Variants in SH3KBP1 observed in about 807,000 individuals in gnomAD.
The protein encoded by SH3KBP1 is SH3 domain containing kinase binding protein 1, also known as SH3 domain-containing kinase-binding protein 1.
In SH3KBP1, 8 loss-of-function variants were observed where a neutral mutation model predicts 50.1. The ratio of observed to expected loss-of-function variants is 0.16; its 90% CI spans 0.09 to 0.29. The LOEUF is 0.29. SH3KBP1 is among the 10% of genes least tolerant of loss of function. SH3KBP1 has a pLI of 1.00. For missense variants in SH3KBP1, 377 were observed against 535.2 expected (o/e 0.70, Z 2.92); for synonymous variants, 227 against 218.6 (o/e 1.04, Z -0.34).
intron 2 of SH3KBP1, among the ~76,000 whole-genome samples, chrX:19,783,608 A>C (rs775013582): frequency 4.5e-5 from 5 of 111,208 alleles, no homozygotes; most frequent in Non-Finnish European, 9.4e-5. Context: ...CTGAGCTCAG[A>C]CTTTTTAGCT....
intron 2 of SH3KBP1, among the ~76,000 whole-genome samples, chrX:19,805,523 A>G (rs1425160164): frequency 2.0e-5 from 2 of 97,670 alleles, no homozygotes; most frequent in African/African-American, 3.9e-5. Context: ...ATGGCTGCAT[A>G]TTAAAAAAAA....
At chrX:19,885,392 A>G (rs2069559830) in intron 1 of SH3KBP1, among the ~76,000 whole-genome samples, 1 of 112,049 alleles carries the variant, frequency 8.9e-6, no homozygotes, top group African/African-American at 3.2e-5. Flanking sequence ...ATTCGTTTTG[A>G]CATTATCACC....
At chrX:19,830,250 C>A (rs1168596613) in intron 2 of SH3KBP1, among the ~76,000 whole-genome samples, 1 of 109,563 alleles carries the variant, frequency 9.1e-6, no homozygotes, top group African/African-American at 3.3e-5. Context: ...ACATTTCCCC[C>A]TTCCTTTTTA....
At chrX:19,715,961 C>T (rs1308441156) in intron 3 of SH3KBP1, among the ~76,000 whole-genome samples, 1 of 111,783 alleles carries the variant, frequency 8.9e-6, no homozygotes, top group Non-Finnish European at 1.9e-5. Context: ...TCCCCAGTTA[C>T]TGAGCAGCAT....
At chrX:19,812,665 CAAAAAAA>C (rs57012379) in intron 2 of SH3KBP1, among the ~76,000 whole-genome samples, 10 of 35,287 alleles carry the variant, frequency 2.8e-4, no homozygotes, top group Admixed American at 2.3e-3. Flanking sequence ...CCCGTCTCTA[CAAAAAAA>C]AAAAAAAAAA....
intron 8 of SH3KBP1, among the ~76,000 whole-genome samples, chrX:19,616,124 G>A (rs1423092655): frequency 2.7e-5 from 3 of 110,943 alleles, no homozygotes; most frequent in South Asian, 7.7e-4. Context: ...ATCATGCATG[G>A]CTAATTTTTT....
intron 3 of SH3KBP1, among the ~76,000 whole-genome samples, chrX:19,716,139 T>C (rs748182430): frequency 1.2e-3 from 131 of 112,090 alleles, no homozygotes; most frequent in African/African-American, 4.1e-3. Context: ...GAAGAGAAGG[T>C]AGATTTACCG....
chrX:19,586,971 C>T (rs995149164), intron 12 of SH3KBP1, among the ~76,000 whole-genome samples: 6 of 111,471 alleles, frequency 5.4e-5, no homozygotes, highest in African/African-American at 2.0e-4. Context: ...CCTGTAATCC[C>T]AGCACTTTGG....
At chrX:19,811,477 T>C (rs1209667051) in intron 2 of SH3KBP1, among the ~76,000 whole-genome samples, 1 of 111,910 alleles carries the variant, frequency 8.9e-6, no homozygotes, top group East Asian at 2.8e-4. Flanking sequence ...ACCGAAGCCT[T>C]CGGCAGCAGG....
chrX:19,608,052 A>T lies in SH3KBP1; in HGVS notation c.898-7T>A. ...AGCCTACGTCGATGCAGTCCTAGAA[A>T]ACAGGAGAACAGAGAGTGAGAGATG... On this transcript the variant is annotated splice_polypyrimidine_tract_variant and splice_region_variant and intron_variant, in intron 8 of 17. Transcript: ENST00000397821. The T allele has an allele frequency of 8.4e-7, 1 of 1,195,213 alleles. No homozygotes were observed. Among genetic ancestry groups the T allele is most frequent in the Non-Finnish European group, 1.1e-6 (1 of 881,794 alleles).
Position 19,773,611 on chromosome X carries a change from C to T in SH3KBP1, c.163-27170G>A, listed in dbSNP as rs1423499161. Among the ~76,000 whole-genome samples, 4 of 109,404 alleles carry T rather than the reference C, an allele frequency of 3.7e-5. No homozygotes were observed. The East Asian group carries it at 1.1e-3, about 31-fold the overall frequency. On this transcript the variant is annotated intron_variant, in intron 2 of 17. Transcript: ENST00000397821. ...GCGGCTCACGCCTGTCATCCCAACA[C>T]TTTGGGAGGCTGAGACAGGCGGATC...
At position 19,718,107 on chromosome X, in the gene SH3KBP1, T is replaced by A. The variant is rs142454930; in HGVS notation, c.287-11123A>T. 5.7e-4 allele frequency among the ~76,000 whole-genome samples: 59 copies of A among 104,215 alleles called. No homozygotes were observed. In the East Asian group the frequency reaches 9.9e-3, roughly 17 times the overall value. The allele number at this position is 104,215 out of a possible 115,157, so 90.5% of individuals were successfully genotyped here. ...TAGTACACTAAAAGACTAAATCACG[T>A]AATATGTATACTATGATCCCAATTT... On this transcript the variant is annotated intron_variant, in intron 3 of 17. Coordinates refer to ENST00000397821, the MANE Select transcript of SH3KBP1 (RefSeq NM_031892.3).
intron 6 of SH3KBP1, chrX:19,670,276 A>G (rs1436523604): frequency 1.6e-6 from 1 of 635,987 alleles, no homozygotes; most frequent in African/African-American, 2.5e-5. Context: ...CCATCATAAA[A>G]AAAGCAGTTC....
At chrX:19,801,412 C>T in intron 2 of SH3KBP1, among the ~76,000 whole-genome samples, 1 of 112,306 alleles carries the variant, frequency 8.9e-6, no homozygotes, top group Non-Finnish European at 1.9e-5. Context: ...TTAAGGCAGT[C>T]CCAGACAGGT....
chrX:19,656,007 C>T (rs184513646), intron 6 of SH3KBP1, among the ~76,000 whole-genome samples: 16 of 111,263 alleles, frequency 1.4e-4, no homozygotes, highest in African/African-American at 5.2e-4. Flanking sequence ...AAAATTTTGC[C>T]AAGTAGAGAC....
intron 1 of SH3KBP1, among the ~76,000 whole-genome samples, chrX:19,838,178 T>C (rs2068113962): frequency 8.9e-6 from 1 of 112,176 alleles, no homozygotes; most frequent in African/African-American, 3.2e-5. Flanking sequence ...GTCTATTCAT[T>C]TTGTTTTAAC....
intron 2 of SH3KBP1, among the ~76,000 whole-genome samples, chrX:19,759,938 T>G (rs2065326621): frequency 9.1e-6 from 1 of 109,389 alleles, no homozygotes; most frequent in African/African-American, 3.4e-5. Context: ...TCACACCAAG[T>G]TTACACAAAT....
At chrX:19,722,442 T>A (rs904507246) in intron 3 of SH3KBP1, among the ~76,000 whole-genome samples, 31 of 111,729 alleles carry the variant, frequency 2.8e-4, no homozygotes, top group African/African-American at 9.8e-4. Context: ...TTTCCCCCTA[T>A]CCTTCGGGTA....
chrX:19,561,806 A>C (rs2147774913), intron 13 of SH3KBP1, among the ~76,000 whole-genome samples: 1 of 108,538 alleles, frequency 9.2e-6, no homozygotes, highest in African/African-American at 3.5e-5. Flanking sequence ...CGTCTCCCAA[A>C]TTGAAAGCCT....
Sources: allele counts gnomAD v4.1 joint callset (sites outside exome capture counted in the v4.1 genomes callset), GRCh38; gene constraint gnomAD v4.1.1; transcripts MANE v1.5; gene names NCBI Gene and HGNC (gene_info 2026-07-23, HGNC 2026-07-21).